The following PRKG1 variants were observed in gnomAD, a reference collection of about 807,000 sequenced individuals.
PRKG1 encodes the protein cGMP-dependent protein kinase 1.
Under a neutral mutation model 88.1 loss-of-function variants are expected in PRKG1, and 35 were observed. The observed-to-expected ratio is 0.40, with a 90% confidence interval of 0.30 to 0.53. The LOEUF (loss-of-function observed/expected upper bound fraction) is 0.53, where lower values mean the gene tolerates loss of function less well. PRKG1 is among the 20% of genes least tolerant of loss of function. PRKG1 has a pLI of 0.59. For synonymous variants in PRKG1, 303 were observed against 292.5 expected, an observed-to-expected ratio of 1.04 and a Z score of -0.37; for missense variants, 540 against 839.8, an observed-to-expected ratio of 0.64 and a Z score of 4.41.
intron 12 of PRKG1, among the ~76,000 whole-genome samples, chr10:52,280,037 AT>A (rs1053572824): frequency 1.3e-5 from 2 of 152,136 alleles, no homozygotes; most frequent in Non-Finnish European, 2.9e-5. Flanking sequence ...ATGCCCATAT[AT>A]CATATATATG....
chr10:51,581,633 G>C (rs748576108), intron 3 of PRKG1, among the ~76,000 whole-genome samples: 1 of 152,118 alleles, frequency 6.6e-6, no homozygotes, highest in Non-Finnish European at 1.5e-5. Context: ...AGCACGTCAC[G>C]CGCTGCTGGC....
chr10:52,294,087 GT>G lies in PRKG1; in HGVS notation c.*191del, dbSNP rs934270713. ...TAGATGACAATAGTGCTCTTTACATGTTTTCTGTTTGAACCTAAAATAGCAG... is the reference window on the plus strand; with the variant it reads ...TAGATGACAATAGTGCTCTTTACATGTTTCTGTTTGAACCTAAAATAGCAG... On this transcript the variant is annotated 3_prime_UTR_variant, in exon 18 of 18. Coordinates refer to ENST00000373980, the MANE Select transcript of PRKG1 (RefSeq NM_006258.4). The G allele has an allele frequency of 6.4e-6, 3 of 470,420 alleles. No homozygotes were observed. Among genetic ancestry groups the G allele is most frequent in the African/African-American group, 5.9e-5 (3 of 50,554 alleles). The allele number at this position is 470,420 out of a possible 1,614,324, so 29.1% of individuals were successfully genotyped here.
chr10:51,547,017 A>G (rs973888299), intron 3 of PRKG1, among the ~76,000 whole-genome samples: 1 of 148,020 alleles, frequency 6.8e-6, no homozygotes, highest in Non-Finnish European at 1.5e-5. Flanking sequence ...TTTGTGACCA[A>G]TAGCATTGCT....
chr10:51,807,285 C>A (rs956943559), intron 4 of PRKG1, among the ~76,000 whole-genome samples: 1 of 152,248 alleles, frequency 6.6e-6, no homozygotes, highest in East Asian at 1.9e-4. Flanking sequence ...CTTGACAGCA[C>A]AGCATTAAAT....
At chr10:51,719,077 G>A (rs1841952796) in intron 3 of PRKG1, among the ~76,000 whole-genome samples, 1 of 152,034 alleles carries the variant, frequency 6.6e-6, no homozygotes, top group Admixed American at 6.6e-5. Flanking sequence ...TGAGCCCAAG[G>A]AGTTCAAGAT....
rs1589397052 is a variant in PRKG1, at chr10:51,894,731, G to GT, written c.699-12774dup. Among the ~76,000 whole-genome samples the GT allele has an allele frequency of 2.6e-5, 4 of 152,284 alleles. No individual in the cohort carries two copies. In the East Asian group the frequency reaches 5.8e-4, roughly 22 times the overall value. On this transcript the variant is annotated intron_variant, in intron 4 of 17. Coordinates refer to ENST00000373980, the MANE Select transcript of PRKG1 (RefSeq NM_006258.4). ...AATTACATTAAAATGAAATCTGAAAGTTCATAGTTAGATATAGTGTAGTTT... is the reference window on the plus strand; with the variant it reads ...AATTACATTAAAATGAAATCTGAAAGTTTCATAGTTAGATATAGTGTAGTTT...
At chr10:51,988,570 A>T (rs1385871849) in intron 5 of PRKG1, among the ~76,000 whole-genome samples, 2 of 152,188 alleles carry the variant, frequency 1.3e-5, no homozygotes, top group East Asian at 3.9e-4. Flanking sequence ...GGTTTGAGGT[A>T]TCATTGTTTA....
chr10:51,371,527 G>A (rs1243473496), intron 2 of PRKG1, among the ~76,000 whole-genome samples: 1 of 152,140 alleles, frequency 6.6e-6, no homozygotes, highest in Non-Finnish European at 1.5e-5. Flanking sequence ...ATGTAGTGCT[G>A]TAGTTATACA....
At chr10:51,355,012 T>A (rs1319099433) in intron 2 of PRKG1, among the ~76,000 whole-genome samples, 1 of 152,064 alleles carries the variant, frequency 6.6e-6, no homozygotes, top group Non-Finnish European at 1.5e-5. Flanking sequence ...AGAGTCTGAT[T>A]TCTCCATTTA....
At chr10:52,020,429 A>C (rs1470757619) in intron 5 of PRKG1, among the ~76,000 whole-genome samples, 1 of 152,190 alleles carries the variant, frequency 6.6e-6, no homozygotes, top group African/African-American at 2.4e-5. Context: ...AGTAACCTCA[A>C]TTCTTGCCTC....
At chr10:51,160,274 T>C (rs1351189999) in intron 2 of PRKG1, among the ~76,000 whole-genome samples, 2 of 152,172 alleles carry the variant, frequency 1.3e-5, no homozygotes, top group Non-Finnish European at 2.9e-5. Flanking sequence ...CTACCACTTG[T>C]TTTTGCTCAA....
chr10:51,126,259 ATATT>A (rs1210859221), intron 1 of PRKG1, among the ~76,000 whole-genome samples: 1 of 8,772 alleles, frequency 1.1e-4, no homozygotes, highest in African/African-American at 2.2e-4. Flanking sequence ...AATTATTTAT[ATATT>A]TATTTATAAT....
intron 9 of PRKG1, among the ~76,000 whole-genome samples, chr10:52,234,709 G>A (rs984421960): frequency 4.0e-5 from 5 of 123,958 alleles, no homozygotes; most frequent in East Asian, 2.1e-4. Context: ...TGAAAGTGAC[G>A]GGGAGAATGG....
chr10:51,240,439 G>C (rs1839121766), intron 2 of PRKG1, among the ~76,000 whole-genome samples: 1 of 152,100 alleles, frequency 6.6e-6, no homozygotes, highest in Non-Finnish European at 1.5e-5. Flanking sequence ...TTCCTACACT[G>C]TAGCCTTTTT....
intron 3 of PRKG1, among the ~76,000 whole-genome samples, chr10:51,773,951 T>C (rs1172816685): frequency 6.6e-6 from 1 of 151,976 alleles, no homozygotes. Context: ...TATTAGTAAG[T>C]GGAATATGGG....
chr10:51,201,452 C>G (rs1486715458), intron 2 of PRKG1, among the ~76,000 whole-genome samples: 1 of 151,810 alleles, frequency 6.6e-6, no homozygotes, highest in Admixed American at 6.6e-5. Flanking sequence ...GACTTTGACT[C>G]AAAAAAATAA....
intron 9 of PRKG1, among the ~76,000 whole-genome samples, chr10:52,222,698 A>T (rs1266857169): frequency 1.3e-5 from 2 of 152,206 alleles, no homozygotes. Flanking sequence ...TGGGGGATGT[A>T]GTCATTTCTT....
At chr10:51,609,087 A>T (rs1427014455) in intron 3 of PRKG1, among the ~76,000 whole-genome samples, 1 of 151,786 alleles carries the variant, frequency 6.6e-6, no homozygotes, top group Non-Finnish European at 1.5e-5. Context: ...TTTTTTCTTT[A>T]ATTTATTTAT....
Position 51,175,303 on chromosome 10 carries a change from A to G in PRKG1, c.478+21973A>G, listed in dbSNP as rs575067989. On this transcript the variant is annotated intron_variant, in intron 2 of 17. Transcript: ENST00000373980. ...TTGATTTCCTCCATTCTGTGTGTGTATAAGTATATATACACACAAATACAC... is the reference window on the plus strand; with the variant it reads ...TTGATTTCCTCCATTCTGTGTGTGTGTAAGTATATATACACACAAATACAC... Among the ~76,000 whole-genome samples, 12 of 152,092 alleles carry G rather than the reference A, an allele frequency of 7.9e-5. No individual in the cohort carries two copies. In the East Asian group the frequency reaches 2.1e-3, roughly 27 times the overall value.
Sources: allele counts gnomAD v4.1 joint callset (sites outside exome capture counted in the v4.1 genomes callset), GRCh38; gene constraint gnomAD v4.1.1; transcripts MANE v1.5; gene names NCBI Gene and HGNC (gene_info 2026-07-23, HGNC 2026-07-21).